The following JHY variants were observed in gnomAD, a reference collection of about 807,000 sequenced individuals.
JHY encodes jhy protein homolog.
In JHY, 69 loss-of-function variants were observed where a neutral mutation model predicts 78.0. That is an observed-to-expected ratio of 0.88 (90% CI 0.73 to 1.08). JHY has a LOEUF of 1.08. Among genes scored for constraint, JHY ranks in the 50% least tolerant of loss-of-function variants. The probability of loss-of-function intolerance (pLI) is 0.00; values close to 1 mark genes in which losing one functional copy is unlikely to be tolerated. For synonymous variants in JHY, 368 were observed against 342.6 expected (o/e 1.07, Z -0.82); for missense variants, 944 against 927.8 (o/e 1.02, Z -0.23).
intron 5 of JHY, among the ~76,000 whole-genome samples, chr11:122,939,888 G>A (rs367978718): frequency 3.4e-5 from 5 of 145,826 alleles, no homozygotes; most frequent in Non-Finnish European, 7.6e-5. Flanking sequence ...GAATATTAAC[G>A]TTATTGTACA....
chr11:122,946,087 G>A (rs1432936045), intron 5 of JHY, among the ~76,000 whole-genome samples: 1 of 152,164 alleles, frequency 6.6e-6, no homozygotes, highest in Non-Finnish European at 1.5e-5. Flanking sequence ...TATAACTTCA[G>A]CTAATCTAAA....
chr11:122,950,435 G>A (rs1864063156), intron 6 of JHY, among the ~76,000 whole-genome samples: 1 of 152,166 alleles, frequency 6.6e-6, no homozygotes, highest in Admixed American at 6.5e-5. Flanking sequence ...TCTTGCCAAT[G>A]ATGGGTTGTT....
At chr11:122,932,339 T>C (rs1207577821) in intron 4 of JHY, among the ~76,000 whole-genome samples, 1 of 152,178 alleles carries the variant, frequency 6.6e-6, no homozygotes, top group Non-Finnish European at 1.5e-5. Context: ...CTTGAGACAA[T>C]TGAAGTTTCA....
intron 3 of JHY, among the ~76,000 whole-genome samples, chr11:122,911,797 C>T (rs1807057022): frequency 6.7e-6 from 1 of 148,958 alleles, no homozygotes; most frequent in Admixed American, 6.8e-5. Flanking sequence ...CCCAGCTACT[C>T]AGGAGGCTGA....
chr11:122,889,082 C>T (rs888031244), intron 2 of JHY, among the ~76,000 whole-genome samples: 5 of 152,172 alleles, frequency 3.3e-5, no homozygotes, highest in Non-Finnish European at 5.9e-5. Context: ...TCACAAGTGC[C>T]TGCAAGTTAC....
intron 4 of JHY, 63 bp from the exon 5 acceptor site, chr11:122,934,357 A>G: frequency 1.3e-6 from 1 of 787,610 alleles, no homozygotes; most frequent in Admixed American, 3.8e-5. Context: ...AATAAATAAT[A>G]AAATAAAATT....
intron 2 of JHY, among the ~76,000 whole-genome samples, chr11:122,896,366 G>C (rs1234705394): frequency 1.0e-5 from 1 of 98,592 alleles, no homozygotes; most frequent in Non-Finnish European, 2.2e-5. Flanking sequence ...AAAAAAAAAA[G>C]GAAATTTGCT....
At chr11:122,957,811 T>TCACACACACACACACACACACA (rs113733119) in intron 8 of JHY, among the ~76,000 whole-genome samples, 106 of 149,812 alleles carry the variant, frequency 7.1e-4, no homozygotes, top group African/African-American at 2.4e-3. Context: ...ACACACACAG[T>TCACACACACACACACACACACA]CACACACACA....
At chr11:122,910,090 T>TAA (rs34912893) in intron 3 of JHY, among the ~76,000 whole-genome samples, 23 of 149,416 alleles carry the variant, frequency 1.5e-4, no homozygotes, top group Admixed American at 1.1e-3. Flanking sequence ...CTGCAGCTGT[T>TAA]AAAAAAAAAA....
Position 122,934,912 on chromosome 11 carries a change from A to G in JHY, c.1471A>G (p.Met491Val). 2 of 1,614,184 alleles carry G rather than the reference A, an allele frequency of 1.2e-6. No homozygotes were observed. Among genetic ancestry groups the G allele is most frequent in the Non-Finnish European group, 1.7e-6 (2 of 1,180,040 alleles). Residue 491 changes from methionine (M) to valine (V), a missense_variant, in exon 5 of 9, where the codon ATG (methionine) becomes GTG (valine). By Grantham distance (21) the Met-to-Val change is conservative (BLOSUM62 1). Transcript: ENST00000227349. ...TCAGCAGCTACACACCCTTTCTGAC[A>G]TGGATTTGAACAACCTTAATGAACT... ...SYQQLHTLSDMDLNNLNELSK... is the reference protein window; with the variant it reads ...SYQQLHTLSDVDLNNLNELSK...
intron 2 of JHY, among the ~76,000 whole-genome samples, chr11:122,900,372 A>G (rs1049347680): frequency 3.3e-5 from 5 of 152,170 alleles, no homozygotes; most frequent in African/African-American, 1.2e-4. Context: ...AAACGGGAAT[A>G]TCAAATAGCA....
chr11:122,934,923 CA>C lies in JHY; in HGVS notation c.1484del (p.Asn495ThrfsTer12). On this transcript the variant is annotated frameshift_variant, in exon 5 of 9. Coordinates refer to ENST00000227349, the MANE Select transcript of JHY (RefSeq NM_024806.4). LOFTEE classifies it high-confidence loss of function. ...ACACCCTTTCTGACATGGATTTGAA[CA>C]ACCTTAATGAACTTTCTAAGAGACA... The part of the protein sequence containing the change: ...LHTLSDMDLN[N>X]LNELSKRHVL... 6.2e-7 allele frequency: 1 copy of C among 1,614,136 alleles called. No homozygotes were observed. The highest frequency in any genetic ancestry group is 1.1e-5 in the South Asian group (1 of 91,082).
chr11:122,904,122 A>C lies in JHY; in HGVS notation c.542A>C (p.Lys181Thr). Residue 181 changes from lysine to threonine, a missense_variant, in exon 3 of 9, where the codon AAA (lysine) becomes ACA (threonine). Transcript: ENST00000227349. ...MELSGGKGEQ[K>T]ESPQSAASLL... Reference sequence around the variant, plus strand: ...CTCTCCGGGGGAAAAGGCGAGCAGAAAGAGAGTCCACAGAGTGCAGCTTCT... The same window carrying C: ...CTCTCCGGGGGAAAAGGCGAGCAGACAGAGAGTCCACAGAGTGCAGCTTCT... 1 of 1,614,184 alleles carries C rather than the reference A, an allele frequency of 6.2e-7. No individual in the cohort carries two copies. The highest frequency in any genetic ancestry group is 8.5e-7 in the Non-Finnish European group (1 of 1,180,032).
chr11:122,902,532 A>AG (rs1284314338), intron 2 of JHY, among the ~76,000 whole-genome samples: 4 of 152,170 alleles, frequency 2.6e-5, no homozygotes, highest in African/African-American at 9.7e-5. Flanking sequence ...TACCTGAGTG[A>AG]GACTGGGTAA....
At position 122,917,926 on chromosome 11, in the gene JHY, A is replaced by G. The variant is rs1347749900; in HGVS notation, c.865-6971A>G. On this transcript the variant is annotated intron_variant, in intron 3 of 8. Transcript: ENST00000227349. This position sits in a 1 kb window ranked among gnomAD's most constrained non-coding sequence, Gnocchi z 4.1. ...ACTTATTTATTTATTTTGGAGACAC[A>G]GTCTCACTCTGTCACCCAGGTTGGA... is the stretch of plus-strand genomic sequence containing the variant. Among the ~76,000 whole-genome samples, 1 of 151,828 alleles carries G rather than the reference A, an allele frequency of 6.6e-6. No individual in the cohort carries two copies. The highest frequency in any genetic ancestry group is 2.4e-5 in the African/African-American group (1 of 41,112).
In JHY at chr11:122,935,775, A is replaced by T. The variant is rs1478516948; in HGVS notation, c.1634+700A>T. Among the ~76,000 whole-genome samples the T allele has an allele frequency of 1.3e-5, 2 of 152,216 alleles. No homozygotes were observed. Among genetic ancestry groups the T allele is most frequent in the Non-Finnish European group, 2.9e-5 (2 of 68,046 alleles). On this transcript the variant is annotated intron_variant, in intron 5 of 8. Transcript: ENST00000227349. This position sits in a 1 kb window ranked among gnomAD's most constrained non-coding sequence, Gnocchi z 4.5. ...TGCACATACAAAAAAATCATCATTT[A>T]TAGAGGTGACCTAAAAATCCAACAA...
rs184309543 is a variant in JHY at position 122,885,825 on chromosome 11, C to T, written c.-25C>T. ...CTGCTCCTATCAACACGAGTATCCC[C>T]TGTTAATTTTTTGCATTTTTCAAGA... On this transcript the variant is annotated 5_prime_UTR_variant, in exon 2 of 9. Transcript: ENST00000227349. The T allele has an allele frequency of 5.5e-5, 85 of 1,544,110 alleles. No individual in the cohort carries two copies. In the Admixed American group the frequency reaches 1.4e-3, roughly 26 times the overall value.
intron 2 of JHY, among the ~76,000 whole-genome samples, chr11:122,895,607 CCCTT>C (rs1862724530): frequency 6.6e-6 from 1 of 152,210 alleles, no homozygotes; most frequent in African/African-American, 2.4e-5. Flanking sequence ...GTCCCCCACT[CCCTT>C]CCTCTCTGCC....
intron 1 of JHY, among the ~76,000 whole-genome samples, chr11:122,884,390 C>T (rs1375248627): frequency 6.7e-6 from 1 of 150,260 alleles, no homozygotes; most frequent in Non-Finnish European, 1.5e-5. Flanking sequence ...GCCATTAAGA[C>T]AAATTTTACA....
Sources: gnomAD v4.1 joint callset for allele counts (sites outside exome capture counted in the v4.1 genomes callset) on GRCh38, gnomAD v4.1.1 for gene constraint, Gnocchi (gnomAD v3.1) non-coding constraint, MANE v1.5 for transcripts, NCBI Gene and HGNC (gene_info 2026-07-23, HGNC 2026-07-21) for gene names.